SLC28A3: variants seen among roughly 807,000 people sequenced by gnomAD.
SLC28A3 encodes the protein solute carrier family 28 member 3.
Under a neutral mutation model 84.2 loss-of-function variants are expected in SLC28A3, and 68 were observed. That is an observed-to-expected ratio of 0.81 (90% CI 0.66 to 0.99). The LOEUF is 0.99. Ranked by LOEUF, SLC28A3 falls within the 50% of genes least tolerant of loss-of-function variation. The pLI, the probability that SLC28A3 is intolerant of heterozygous loss-of-function variation, is 0.00. For missense variants in SLC28A3, 712 were observed against 841.5 expected (o/e 0.85, Z 1.90); for synonymous variants, 267 against 303.6 (o/e 0.88, Z 1.25).
At chr9:84,364,331 A>T in the SLC28A3 span, among the ~76,000 whole-genome samples, 1 of 151,954 alleles carries the variant, frequency 6.6e-6, no homozygotes, top group Non-Finnish European at 1.5e-5. Context: ...CCGTGTTGGC[A>T]GGTGATCCAC....
chr9:84,303,619 C>T (rs543490293), intron 4 of SLC28A3, among the ~76,000 whole-genome samples: 1 of 152,288 alleles, frequency 6.6e-6, no homozygotes, highest in South Asian at 2.1e-4. Flanking sequence ...CGTGCCCTGC[C>T]TCTTTAGAAT....
chr9:84,313,277 C>T (rs1233051814), intron 2 of SLC28A3, 82 bp downstream of exon 2: 4 of 1,219,528 alleles, frequency 3.3e-6, no homozygotes, highest in Non-Finnish European at 3.5e-6. Flanking sequence ...GGGCGCCATG[C>T]TTTCTGTGCC....
intron 11 of SLC28A3, among the ~76,000 whole-genome samples, chr9:84,289,364 T>G (rs914390054): frequency 2.0e-5 from 3 of 152,250 alleles, no homozygotes; most frequent in Non-Finnish European, 4.4e-5. Flanking sequence ...TTACTCAGTT[T>G]CAATATTGGG....
intron 10 of SLC28A3, among the ~76,000 whole-genome samples, chr9:84,291,004 C>T (rs554081727): frequency 4.6e-5 from 7 of 152,248 alleles, no homozygotes; most frequent in Non-Finnish European, 5.9e-5. Context: ...AGGCAGCCTG[C>T]GGCATGGGGC....
the SLC28A3 span, among the ~76,000 whole-genome samples, chr9:84,357,359 C>T: frequency 2.6e-5 from 4 of 152,104 alleles, no homozygotes; most frequent in South Asian, 4.2e-4. Flanking sequence ...GAAAGTGTAA[C>T]GGCTGTCAAA....
chr9:84,364,218 A>T, the SLC28A3 span, among the ~76,000 whole-genome samples: 3 of 144,742 alleles, frequency 2.1e-5, no homozygotes, highest in African/African-American at 7.7e-5. Flanking sequence ...TCTGCTTGCC[A>T]GGTTCAAGCA....
intron 14 of SLC28A3, among the ~76,000 whole-genome samples, chr9:84,283,152 C>G (rs1426733499): frequency 6.6e-6 from 1 of 152,228 alleles, no homozygotes; most frequent in Non-Finnish European, 1.5e-5. Context: ...AGGGGATACA[C>G]AGATGTGGCC....
At chr9:84,283,172 T>G (rs1205731399) in intron 14 of SLC28A3, among the ~76,000 whole-genome samples, 1 of 152,180 alleles carries the variant, frequency 6.6e-6, no homozygotes, top group Non-Finnish European at 1.5e-5. Context: ...CATGATGGGT[T>G]TTAGAAGAGA....
intron 1 of SLC28A3, among the ~76,000 whole-genome samples, chr9:84,335,712 C>T (rs916485914): frequency 4.7e-5 from 7 of 148,822 alleles, no homozygotes; most frequent in East Asian, 2.0e-4. Flanking sequence ...TATGTATATA[C>T]GTGTGTGTGT....
chr9:84,354,292 G>A, the SLC28A3 span, among the ~76,000 whole-genome samples: 1 of 152,220 alleles, frequency 6.6e-6, no homozygotes, highest in Non-Finnish European at 1.5e-5. Flanking sequence ...TCTCCTGCAT[G>A]GGGCATAGGG....
intron 1 of SLC28A3, among the ~76,000 whole-genome samples, chr9:84,325,130 GGT>G (rs1406451331): frequency 6.6e-6 from 1 of 152,110 alleles, no homozygotes; most frequent in Non-Finnish European, 1.5e-5. Context: ...CAAGAGAACT[GGT>G]GTCTATTCCT....
At chr9:84,342,337 A>T (rs552150168), upstream of SLC28A3, among the ~76,000 whole-genome samples, 2 of 152,036 alleles carry the variant, frequency 1.3e-5, no homozygotes, top group East Asian at 3.9e-4. Context: ...TAATGTAAGT[A>T]TAGAGTTTAT....
chr9:84,348,613 A>G, the SLC28A3 span, among the ~76,000 whole-genome samples: 38 of 152,220 alleles, frequency 2.5e-4, no homozygotes, highest in East Asian at 9.6e-4. Context: ...CAAAGTCCGT[A>G]TGTTAGAATC....
chr9:84,305,890 G>T (rs1825773328), intron 3 of SLC28A3, among the ~76,000 whole-genome samples: 1 of 152,144 alleles, frequency 6.6e-6, no homozygotes, highest in South Asian at 2.1e-4. Flanking sequence ...GGATGTTAGG[G>T]CTATTAACCA....
intron 8 of SLC28A3, among the ~76,000 whole-genome samples, chr9:84,296,891 T>C (rs1223653618): frequency 6.6e-6 from 1 of 152,236 alleles, no homozygotes; most frequent in Non-Finnish European, 1.5e-5. Context: ...GAACATAATA[T>C]TCTTTTCCCT....
At chr9:84,346,397 G>A in the SLC28A3 span, among the ~76,000 whole-genome samples, 2 of 152,178 alleles carry the variant, frequency 1.3e-5, no homozygotes, top group Admixed American at 6.6e-5. Context: ...TTTCCAAAAG[G>A]AGTAAAGAGA....
At chr9:84,305,392 A>G in intron 3 of SLC28A3, 47 bp from the exon 4 acceptor site, 1 of 1,506,532 alleles carries the variant, frequency 6.6e-7, no homozygotes, top group Non-Finnish European at 9.2e-7. Flanking sequence ...CACCAAAAAC[A>G]TGAAATAAAC....
At chr9:84,331,931 A>G (rs1826805008) in intron 1 of SLC28A3, among the ~76,000 whole-genome samples, 2 of 152,186 alleles carry the variant, frequency 1.3e-5, no homozygotes, top group South Asian at 2.1e-4. Context: ...CACGTGGCAA[A>G]ATATCTGTGG....
the SLC28A3 span, among the ~76,000 whole-genome samples, chr9:84,351,158 A>C: frequency 3.3e-5 from 5 of 152,198 alleles, no homozygotes; most frequent in African/African-American, 4.8e-5. Context: ...TAACTTTTTA[A>C]ACTTCTTTGC....
Sources: allele counts gnomAD v4.1 joint callset (sites outside exome capture counted in the v4.1 genomes callset), GRCh38; gene constraint gnomAD v4.1.1; transcripts MANE v1.5; gene names NCBI Gene and HGNC (gene_info 2026-07-23, HGNC 2026-07-21).